The following ACACA variants were observed in gnomAD, a reference collection of about 807,000 sequenced individuals.
ACACA encodes acetyl-CoA carboxylase alpha.
In ACACA, 103 loss-of-function variants were observed where a neutral mutation model predicts 296.1. The ratio of observed to expected loss-of-function variants is 0.35; its 90% confidence interval spans 0.30 to 0.41. ACACA has a LOEUF of 0.41. Ranked by LOEUF, ACACA falls within the 10% of genes least tolerant of loss-of-function variation. The pLI, the probability that ACACA is intolerant of heterozygous loss-of-function variation, is 1.00. For synonymous variants in ACACA, 953 were observed against 1,038.6 expected, an observed-to-expected ratio of 0.92 and a Z score of 1.58; for missense variants, 1,554 against 2,989.7, an observed-to-expected ratio of 0.52 and a Z score of 11.20.
intron 1 of ACACA, among the ~76,000 whole-genome samples, chr17:37,368,356 G>C (rs1422544993): frequency 6.6e-6 from 1 of 152,150 alleles, no homozygotes; most frequent in Non-Finnish European, 1.5e-5. Flanking sequence ...CAAGGTGGGT[G>C]AATCACCTGA....
chr17:37,178,801 AAAAAAAG>A lies in ACACA; in HGVS notation c.5079+452_5079+458del, dbSNP rs1319767944. 5.3e-5 allele frequency among the ~76,000 whole-genome samples: 8 copies of A among 152,150 alleles called. No individual in the cohort carries two copies. The South Asian group carries it at 1.0e-3, about 20-fold the overall frequency. ...GTGTGACAGAGCGAGACACCATCTC[AAAAAAAG>A]AAAAAAGAAAAAAAGAAAATCCCCA... is the stretch of plus-strand genomic sequence containing the variant. On this transcript the variant is annotated intron_variant, in intron 41 of 55. Coordinates refer to ENST00000616317, the MANE Select transcript of ACACA (RefSeq NM_198834.3).
intron 8 of ACACA, among the ~76,000 whole-genome samples, chr17:37,275,354 G>A (rs1031649081): frequency 4.6e-5 from 7 of 151,968 alleles, no homozygotes; most frequent in Non-Finnish European, 7.4e-5. Flanking sequence ...AAAATTAGCC[G>A]GGTGTGGTGG....
At position 37,179,421 on chromosome 17, in the gene ACACA, A is replaced by T. The variant is rs769863701; in HGVS notation, c.4933-15T>A. 1 of 1,613,836 alleles carries T rather than the reference A, an allele frequency of 6.2e-7. No individual in the cohort carries two copies. Among genetic ancestry groups the T allele is most frequent in the Non-Finnish European group, 8.5e-7 (1 of 1,179,742 alleles). On this transcript the variant is annotated splice_polypyrimidine_tract_variant and intron_variant, in intron 40 of 55. Coordinates refer to ENST00000616317, the MANE Select transcript of ACACA (RefSeq NM_198834.3). ...TTGATCAGGGACTAGTGGAGAAAAGAAGTTTGACTAATCAGTCACAATAAT... is the reference window on the plus strand; with the variant it reads ...TTGATCAGGGACTAGTGGAGAAAAGTAGTTTGACTAATCAGTCACAATAAT...
rs772853236 is a variant in ACACA at position 37,097,755 on chromosome 17, G to A, written c.6720+75C>T. The A allele has an allele frequency of 1.9e-6, 3 of 1,574,558 alleles. No homozygotes were observed. The highest frequency in any genetic ancestry group is 1.7e-4 in the Middle Eastern group (1 of 5,890). ...TTGGCCCTCATAGCTCCCTGCTTAT[G>A]AGCCTGTGTGCAACACACACACACA... On this transcript the variant is annotated intron_variant, in intron 53 of 55. Coordinates refer to ENST00000616317, the MANE Select transcript of ACACA (RefSeq NM_198834.3). This position sits in a 1 kb window ranked among gnomAD's most constrained non-coding sequence, Gnocchi z 4.8.
intron 10 of ACACA, among the ~76,000 whole-genome samples, chr17:37,266,915 T>C (rs1429622394): frequency 6.6e-6 from 1 of 152,194 alleles, no homozygotes; most frequent in Non-Finnish European, 1.5e-5. Flanking sequence ...CAGACTCCAG[T>C]AACAATTACT....
chr17:37,221,694 G>A (rs1288400105), intron 29 of ACACA, 30 bp downstream of exon 29: 1 of 1,530,392 alleles, frequency 6.5e-7, no homozygotes, highest in Non-Finnish European at 9.1e-7. Context: ...CCTCTGGCTG[G>A]CTCGGGTGCA....
chr17:37,391,344 T>A (rs2050876110), intron 1 of ACACA, among the ~76,000 whole-genome samples: 1 of 152,218 alleles, frequency 6.6e-6, no homozygotes, highest in African/African-American at 2.4e-5. Context: ...TACTCATACT[T>A]AAGTTGAGGC....
chr17:37,354,306 C>T (rs1370714057), intron 1 of ACACA, among the ~76,000 whole-genome samples: 3 of 152,180 alleles, frequency 2.0e-5, no homozygotes, highest in Admixed American at 6.5e-5. Flanking sequence ...GCAAGACCAA[C>T]TGGGGCCACC....
In ACACA at chr17:37,154,290, G is replaced by C. The variant is rs544606482; in HGVS notation, c.5447+1393C>G. On this transcript the variant is annotated intron_variant, in intron 43 of 55. Coordinates refer to ENST00000616317, the MANE Select transcript of ACACA (RefSeq NM_198834.3). ...CCACTGCATCCCAGCCTAGGCAACA[G>C]AGTAAAACCCTGTCTCTAAAAACAA... 1.1e-4 allele frequency among the ~76,000 whole-genome samples: 17 copies of C among 152,074 alleles called. No individual in the cohort carries two copies. In the South Asian group the frequency reaches 3.5e-3, roughly 32 times the overall value.
At chr17:37,314,932 C>T (rs916382866) in intron 3 of ACACA, among the ~76,000 whole-genome samples, 7 of 149,304 alleles carry the variant, frequency 4.7e-5, no homozygotes, top group East Asian at 2.0e-4. Context: ...CATGAGCTAC[C>T]GCACCCGGCC....
chr17:37,106,185 T>C (rs975278793), intron 52 of ACACA, among the ~76,000 whole-genome samples: 10 of 152,118 alleles, frequency 6.6e-5, no homozygotes, highest in African/African-American at 1.9e-4. Context: ...TATTTCTATA[T>C]CCATAACAGG....
At chr17:37,391,983 T>C in intron 1 of ACACA, 2 of 489,124 alleles carry the variant, frequency 4.1e-6, no homozygotes, top group South Asian at 6.8e-5. Flanking sequence ...GAACAAAAAG[T>C]ATTCCCTGCA....
intron 24 of ACACA, among the ~76,000 whole-genome samples, chr17:37,237,481 G>A (rs2080167566): frequency 6.6e-6 from 1 of 152,174 alleles, no homozygotes; most frequent in African/African-American, 2.4e-5. Context: ...GTACTTCCAT[G>A]TACAGAAGCA....
intron 47 of ACACA, among the ~76,000 whole-genome samples, chr17:37,126,573 G>A (rs1335608038): frequency 3.3e-5 from 5 of 151,998 alleles, no homozygotes; most frequent in African/African-American, 9.7e-5. Context: ...GCAAATAACC[G>A]TTTCCTAGTT....
At chr17:37,148,106 A>C (rs1019869489) in intron 45 of ACACA, among the ~76,000 whole-genome samples, 1 of 151,882 alleles carries the variant, frequency 6.6e-6, no homozygotes, top group Non-Finnish European at 1.5e-5. Context: ...TTAAAGTACC[A>C]TTATCTATGA....
Position 37,284,898 on chromosome 17 carries a change from G to A in ACACA, c.411C>T (p.Phe137=). The A allele has an allele frequency of 6.2e-7, 1 of 1,614,184 alleles. No individual in the cohort carries two copies. The highest frequency in any genetic ancestry group is 8.5e-7 in the Non-Finnish European group (1 of 1,180,024). Residue 137 remains phenylalanine (F), a synonymous_variant, in exon 4 of 56, where the codon TTC becomes TTT. Coordinates refer to ENST00000616317, the MANE Select transcript of ACACA (RefSeq NM_198834.3). The part of the protein sequence containing the change: ...DRKKIDSQRD[F]TVASPAEFVT... Reference sequence around the variant, plus strand: ...CAAATTCTGCTGGAGAAGCCACAGTGAAATCTCGTTGAGAATCTATTTTCT... The same window carrying A: ...CAAATTCTGCTGGAGAAGCCACAGTAAAATCTCGTTGAGAATCTATTTTCT...
chr17:37,180,249 C>T (rs1477176191), intron 40 of ACACA, among the ~76,000 whole-genome samples: 1 of 152,126 alleles, frequency 6.6e-6, no homozygotes, highest in African/African-American at 2.4e-5. Context: ...AGAAGTAACA[C>T]TCAGCTTTTA....
intron 33 of ACACA, among the ~76,000 whole-genome samples, chr17:37,205,025 A>G (rs182430198): frequency 6.6e-6 from 1 of 152,318 alleles, no homozygotes; most frequent in Admixed American, 6.5e-5. Flanking sequence ...TAAGGGTTTG[A>G]ATTAGAGATG....
At chr17:37,139,653 A>G (rs868724828) in intron 45 of ACACA, among the ~76,000 whole-genome samples, 90 of 152,340 alleles carry the variant, frequency 5.9e-4, no homozygotes, top group African/African-American at 2.1e-3. Context: ...AAGGCAGAGG[A>G]GGAGAAAGCA....
Sources: allele counts gnomAD v4.1 joint callset (sites outside exome capture counted in the v4.1 genomes callset), GRCh38; gene constraint gnomAD v4.1.1; non-coding constraint Gnocchi (gnomAD v3.1); transcripts MANE v1.5; gene names NCBI Gene and HGNC (gene_info 2026-07-23, HGNC 2026-07-21).